The following FN3KRP variants were observed in gnomAD, a reference collection of about 807,000 sequenced individuals.
FN3KRP encodes the protein fructosamine 3 kinase related protein.
Under a neutral mutation model 29.8 loss-of-function variants are expected in FN3KRP, and 33 were observed. The ratio of observed to expected loss-of-function variants is 1.11; its 90% CI spans 0.84 to 1.48. The LOEUF is 1.48. Ranked by LOEUF, FN3KRP falls within the 40% of genes most tolerant of loss-of-function variation. FN3KRP has a pLI of 0.00. For synonymous variants in FN3KRP, 157 were observed against 155.2 expected (o/e 1.01, Z -0.09); for missense variants, 430 against 402.6 (o/e 1.07, Z -0.58).
intron 1 of FN3KRP, among the ~76,000 whole-genome samples, chr17:82,718,150 G>A (rs1386763252): frequency 2.6e-5 from 4 of 151,102 alleles, no homozygotes; most frequent in Non-Finnish European, 5.9e-5. Context: ...TATGTGTTGT[G>A]TGTGTGTTGT....
chr17:82,726,376 G>T, intron 4 of FN3KRP, 104 bp from the exon 5 acceptor site: 1 of 1,442,074 alleles, frequency 6.9e-7, no homozygotes, highest in Non-Finnish European at 9.4e-7. Context: ...CCTCCCACGT[G>T]CCGCTCCTGC....
rs1354124293 is a variant in FN3KRP, at chr17:82,722,721, C to T, written c.386-83C>T. Reference sequence around the variant, plus strand: ...TAAGCTGGTAGGAGCTCGCTGAGGTCGTGTCTGAAGGTGACTCAGTTTCGA... The same window carrying T: ...TAAGCTGGTAGGAGCTCGCTGAGGTTGTGTCTGAAGGTGACTCAGTTTCGA... On this transcript the variant is annotated intron_variant, in intron 3 of 5. Transcript: ENST00000269373. The T allele has an allele frequency of 3.6e-5, 49 of 1,361,678 alleles. 1 individual carries two copies. In the East Asian group the frequency reaches 6.0e-4, roughly 17 times the overall value. 84.3% of individuals were successfully genotyped at this position (1,361,678 alleles called of 1,614,324 possible). A position where few individuals can be genotyped will look rare whatever the true frequency, so the allele number is the denominator to read the frequency against.
At chr17:82,722,078 C>G (rs1184719713) in intron 3 of FN3KRP, among the ~76,000 whole-genome samples, 2 of 151,940 alleles carry the variant, frequency 1.3e-5, no homozygotes, top group South Asian at 4.1e-4. Flanking sequence ...AGGTGATCCA[C>G]CTGCCTTGGC....
intron 4 of FN3KRP, among the ~76,000 whole-genome samples, chr17:82,724,051 G>C (rs1353674757): frequency 6.6e-6 from 1 of 152,116 alleles, no homozygotes; most frequent in African/African-American, 2.4e-5. Context: ...CCAGCACTTT[G>C]GGAGGCCGAG....
intron 4 of FN3KRP, among the ~76,000 whole-genome samples, chr17:82,724,434 T>A (rs1285191618): frequency 6.6e-6 from 1 of 151,844 alleles, no homozygotes; most frequent in Non-Finnish European, 1.5e-5. Flanking sequence ...TGAAATCCTG[T>A]CTCTACTAAA....
chr17:82,724,397 A>G (rs540594633), intron 4 of FN3KRP, among the ~76,000 whole-genome samples: 101 of 152,218 alleles, frequency 6.6e-4, no homozygotes, highest in Non-Finnish European at 1.2e-3. Flanking sequence ...CGTGAGGTAG[A>G]GTTTGAGACC....
At chr17:82,717,319 C>T (rs1675641089) in intron 1 of FN3KRP, among the ~76,000 whole-genome samples, 1 of 152,130 alleles carries the variant, frequency 6.6e-6, no homozygotes, top group African/African-American at 2.4e-5. Context: ...TGGAGGTGTC[C>T]ATCCCCCGTG....
chr17:82,718,063 ATGTTGTGTGTGTGTGTCTGTG>A (rs1049739068), intron 1 of FN3KRP, among the ~76,000 whole-genome samples: 19 of 125,156 alleles, frequency 1.5e-4, no homozygotes, highest in Admixed American at 6.7e-4. Context: ...ACTGCTGTGT[ATGTTGTGTGTGTGTGTCTGTG>A]TGTTGTGTGT....
rs1288962187 is a variant in FN3KRP, at chr17:82,722,857, G to T, written c.439G>T (p.Val147Leu). 6.2e-7 allele frequency: 1 copy of T among 1,613,988 alleles called. No individual in the cohort carries two copies. Among genetic ancestry groups the T allele is most frequent in the African/African-American group, 1.3e-5 (1 of 74,906 alleles). The change falls in exon 4 of 6, where the codon GTG becomes TTG. Residue 147 changes from valine (V) to leucine (L), a missense_variant. Val to Leu is a conservative substitution (Grantham distance 32, BLOSUM62 1). Coordinates refer to ENST00000269373, the MANE Select transcript of FN3KRP (RefSeq NM_024619.4). Reference protein sequence around the residue: ...RPFVARFGFDVVTCCGYLPQV... With the variant: ...RPFVARFGFDLVTCCGYLPQV... ...CTTTGTGGCCCGGTTTGGATTTGACGTGGTGACGTGCTGTGGATACCTCCC... is the reference window on the plus strand; with the variant it reads ...CTTTGTGGCCCGGTTTGGATTTGACTTGGTGACGTGCTGTGGATACCTCCC...
chr17:82,718,813 AGTT>A, intron 1 of FN3KRP, 90 bp from the exon 2 acceptor site: 1 of 1,449,698 alleles, frequency 6.9e-7, no homozygotes. Context: ...CTTGGTTTGA[AGTT>A]GTAATGCTAG....
In FN3KRP at chr17:82,727,203, G is replaced by T. The variant is rs890808948; in HGVS notation, c.*32G>T. The stretch of plus-strand genomic sequence containing the variant: ...CTTACTCTGGAAGGAGGCCTCAGAG[G>T]TTTCTCCACAGTCCTCTTCTGGGCA... On this transcript the variant is annotated 3_prime_UTR_variant, in exon 6 of 6. Coordinates refer to ENST00000269373, the MANE Select transcript of FN3KRP (RefSeq NM_024619.4). 1 of 1,590,322 alleles carries T rather than the reference G, an allele frequency of 6.3e-7. No homozygotes were observed. Among genetic ancestry groups the T allele is most frequent in the Non-Finnish European group, 8.6e-7 (1 of 1,163,960 alleles).
At chr17:82,725,407 C>G (rs1331606447) in intron 4 of FN3KRP, among the ~76,000 whole-genome samples, 1 of 152,148 alleles carries the variant, frequency 6.6e-6, no homozygotes, top group Non-Finnish European at 1.5e-5. Context: ...GCTGGGATTA[C>G]AGATATTGCT....
chr17:82,718,953 G>A lies in FN3KRP; in HGVS notation c.189G>A (p.Leu63=). ...AGATGGCAAGTTTAACTGCCATCCT[G>A]AAAACAAACACGGTGAAAGTGCCCA... ...EGEMASLTAI[L]KTNTVKVPKP... Residue 63 remains leucine, a synonymous_variant, in exon 2 of 6, where the codon CTG becomes CTA. Transcript: ENST00000269373. 6.2e-7 allele frequency: 1 copy of A among 1,614,202 alleles called. No homozygotes were observed. The highest frequency in any genetic ancestry group is 1.3e-5 in the African/African-American group (1 of 75,068).
intron 2 of FN3KRP, 53 bp downstream of exon 2, chr17:82,719,110 T>G (rs1315939204): frequency 6.7e-7 from 1 of 1,499,170 alleles, no homozygotes; most frequent in East Asian, 2.4e-5. Context: ...CAGGTGTGTC[T>G]TCACACCTTG....
intron 2 of FN3KRP, among the ~76,000 whole-genome samples, chr17:82,719,665 G>A (rs2046784714): frequency 6.6e-6 from 1 of 152,082 alleles, no homozygotes; most frequent in African/African-American, 2.4e-5. Flanking sequence ...TGAGGCAGGA[G>A]AATCACTTGA....
At chr17:82,717,159 T>C (rs1001484766) in intron 1 of FN3KRP, among the ~76,000 whole-genome samples, 2 of 152,046 alleles carry the variant, frequency 1.3e-5, no homozygotes, top group Non-Finnish European at 2.9e-5. Flanking sequence ...ACACCTCCTG[T>C]TCTCCGTGAA....
At chr17:82,722,551 AGC>A (rs1298810680) in intron 3 of FN3KRP, 1 of 450,686 alleles carries the variant, frequency 2.2e-6, no homozygotes, top group Non-Finnish European at 4.0e-6. Flanking sequence ...CCTGCTCGGG[AGC>A]AGCTAGTGTC....
chr17:82,723,564 T>C (rs539512626), intron 4 of FN3KRP, among the ~76,000 whole-genome samples: 57 of 152,154 alleles, frequency 3.7e-4, no homozygotes, highest in Admixed American at 3.1e-3. Flanking sequence ...CGCATATGTG[T>C]ATGTGTGTGC....
intron 4 of FN3KRP, among the ~76,000 whole-genome samples, chr17:82,725,706 C>T (rs376158932): frequency 5.9e-5 from 9 of 152,310 alleles, no homozygotes; most frequent in African/African-American, 2.2e-4. Context: ...CAGTAATTAT[C>T]CTTTAGGATT....
Sources: allele counts gnomAD v4.1 joint callset (sites outside exome capture counted in the v4.1 genomes callset), GRCh38; gene constraint gnomAD v4.1.1; transcripts MANE v1.5; gene names NCBI Gene and HGNC (gene_info 2026-07-23, HGNC 2026-07-21).